The following CAMKMT variants were observed in gnomAD, a reference collection of about 807,000 sequenced individuals.
CAMKMT encodes calmodulin-lysine N-methyltransferase.
A neutral mutation model predicts 48.0 loss-of-function variants in CAMKMT; 53 were observed. The ratio of observed to expected loss-of-function variants is 1.10; its 90% CI spans 0.89 to 1.39. CAMKMT has a LOEUF of 1.39. CAMKMT is among the 40% of genes most tolerant of loss of function. The pLI, the probability that CAMKMT is intolerant of heterozygous loss-of-function variation, is 0.00. For synonymous variants in CAMKMT, 165 were observed against 152.3 expected (o/e 1.08, Z -0.61); for missense variants, 428 against 402.7 (o/e 1.06, Z -0.54).
chr2:44,748,463 C>T (rs1317668039), intron 8 of CAMKMT, among the ~76,000 whole-genome samples: 3 of 152,076 alleles, frequency 2.0e-5, no homozygotes, highest in South Asian at 2.1e-4. Context: ...TGGTCCTTTG[C>T]TTAAATGCCG....
At position 44,709,903 on chromosome 2, in the gene CAMKMT, G is replaced by A. The variant is rs1677782998; in HGVS notation, c.556+2441G>A. ...TAATTATTCTTAATGGGCAAGATGA[G>A]CACATTAAGAAACAAATGAATACAT... On this transcript the variant is annotated intron_variant, in intron 6 of 10. Transcript: ENST00000378494. Among the ~76,000 whole-genome samples, 3 of 152,068 alleles carry A rather than the reference G, an allele frequency of 2.0e-5. No individual in the cohort carries two copies. The South Asian group carries it at 6.2e-4, about 32-fold the overall frequency.
chr2:44,548,246 G>T (rs2103639332), intron 3 of CAMKMT, among the ~76,000 whole-genome samples: 1 of 152,242 alleles, frequency 6.6e-6, no homozygotes, highest in East Asian at 1.9e-4. Context: ...ACTCTGTTGG[G>T]TATCATAGGA....
chr2:44,543,705 T>C (rs1487391780), intron 3 of CAMKMT, among the ~76,000 whole-genome samples: 1 of 152,158 alleles, frequency 6.6e-6, no homozygotes, highest in Non-Finnish European at 1.5e-5. Flanking sequence ...AGCTAGGTGG[T>C]TGGTTTTACA....
At chr2:44,449,627 CA>C (rs1412443249) in intron 3 of CAMKMT, among the ~76,000 whole-genome samples, 1 of 151,982 alleles carries the variant, frequency 6.6e-6, no homozygotes, top group African/African-American at 2.4e-5. Flanking sequence ...TTACTCTGCC[CA>C]AAAGGAGAAA....
At chr2:44,490,338 C>T (rs563850660) in intron 3 of CAMKMT, among the ~76,000 whole-genome samples, 58 of 152,136 alleles carry the variant, frequency 3.8e-4, no homozygotes, top group African/African-American at 7.7e-4. Context: ...TGCAATGGCG[C>T]GATCTTGGCT....
intron 3 of CAMKMT, among the ~76,000 whole-genome samples, chr2:44,593,474 T>C (rs1670442490): frequency 6.6e-6 from 1 of 152,144 alleles, no homozygotes; most frequent in South Asian, 2.1e-4. Flanking sequence ...TTTCCAGACT[T>C]TCAACTCTGG....
At chr2:44,495,407 G>A (rs1204842024) in intron 3 of CAMKMT, among the ~76,000 whole-genome samples, 1 of 152,176 alleles carries the variant, frequency 6.6e-6, no homozygotes, top group Non-Finnish European at 1.5e-5. Context: ...GTCTACCAAA[G>A]TGCTGGAATT....
chr2:44,591,569 G>T, intron 3 of CAMKMT, among the ~76,000 whole-genome samples: 1 of 152,164 alleles, frequency 6.6e-6, no homozygotes, highest in East Asian at 1.9e-4. Flanking sequence ...TGTTATTGGT[G>T]CTGGAGAGGA....
At position 44,618,361 on chromosome 2, in the gene CAMKMT, G is replaced by A. The variant is rs939009616; in HGVS notation, c.377-85922G>A. Among the ~76,000 whole-genome samples the A allele has an allele frequency of 2.6e-5, 4 of 152,194 alleles. No homozygotes were observed. The highest frequency in any genetic ancestry group is 9.7e-5 in the African/African-American group (4 of 41,440). The stretch of plus-strand genomic sequence containing the variant: ...GAGATGGATACTGAGCTTTTTGCTG[G>A]CCCTTGGAGATTAACTGAACAGCCT... On this transcript the variant is annotated intron_variant, in intron 3 of 10. Coordinates refer to ENST00000378494, the MANE Select transcript of CAMKMT (RefSeq NM_024766.5). This position sits in a 1 kb window ranked among gnomAD's most constrained non-coding sequence, Gnocchi z 4.0.
chr2:44,368,057 A>G (rs966586772), intron 1 of CAMKMT, among the ~76,000 whole-genome samples: 1 of 152,218 alleles, frequency 6.6e-6, no homozygotes, highest in African/African-American at 2.4e-5. Flanking sequence ...TAATGGGTTT[A>G]GGGACCTTAG....
intron 3 of CAMKMT, among the ~76,000 whole-genome samples, chr2:44,569,252 T>G (rs1232221065): frequency 6.6e-6 from 1 of 152,160 alleles, no homozygotes; most frequent in Non-Finnish European, 1.5e-5. Context: ...AAGTTCTAAG[T>G]TCAGTTACTT....
chr2:44,719,556 C>T (rs1454030925), intron 7 of CAMKMT, among the ~76,000 whole-genome samples: 1 of 152,038 alleles, frequency 6.6e-6, no homozygotes. Flanking sequence ...TTTTGTACTC[C>T]CTGAAGCAAT....
chr2:44,699,152 C>T (rs184482496), intron 3 of CAMKMT, among the ~76,000 whole-genome samples: 2 of 152,338 alleles, frequency 1.3e-5, no homozygotes, highest in South Asian at 2.1e-4. Flanking sequence ...ATTTTGACCT[C>T]CTCCCATGAC....
At chr2:44,728,839 CTTT>C (rs70937931) in intron 7 of CAMKMT, among the ~76,000 whole-genome samples, 4 of 58,310 alleles carry the variant, frequency 6.9e-5, no homozygotes, top group Admixed American at 1.7e-4. Context: ...GGGGTCTATC[CTTT>C]TTTTTTTTTT....
rs1679936147 is a variant in CAMKMT, at chr2:44,746,792, C to T, written c.698+3096C>T. ...TAATGTTGAGTTTAATATAAGGATTCCTTTCTGCTGGAATGCAGTCCAGCC... is the reference window on the plus strand; with the variant it reads ...TAATGTTGAGTTTAATATAAGGATTTCTTTCTGCTGGAATGCAGTCCAGCC... On this transcript the variant is annotated intron_variant, in intron 8 of 10. Transcript: ENST00000378494. Among the ~76,000 whole-genome samples, 3 of 152,148 alleles carry T rather than the reference C, an allele frequency of 2.0e-5. No individual in the cohort carries two copies. The South Asian group carries it at 6.2e-4, about 32-fold the overall frequency.
rs142960953 is a variant in CAMKMT, at chr2:44,599,000, G to A, written c.377-105283G>A. ...TGTCTGTGCAGGGCTCACCTATTTCGTATGTCTTTAAAACTTTGACCAATT... is the reference window on the plus strand; with the variant it reads ...TGTCTGTGCAGGGCTCACCTATTTCATATGTCTTTAAAACTTTGACCAATT... On this transcript the variant is annotated intron_variant, in intron 3 of 10. Transcript: ENST00000378494. Among the ~76,000 whole-genome samples the A allele has an allele frequency of 2.6e-4, 40 of 152,000 alleles. No homozygotes were observed. The East Asian group carries it at 7.2e-3, about 27-fold the overall frequency.
chr2:44,622,052 C>T (rs1672227677), intron 3 of CAMKMT, among the ~76,000 whole-genome samples: 1 of 152,068 alleles, frequency 6.6e-6, no homozygotes, highest in Admixed American at 6.6e-5. Context: ...TTGGCTTGAA[C>T]AATAAGGCAG....
At chr2:44,673,487 A>AGAGAG (rs1253559572) in intron 3 of CAMKMT, among the ~76,000 whole-genome samples, 10 of 123,226 alleles carry the variant, frequency 8.1e-5, no homozygotes, top group African/African-American at 3.3e-4. Flanking sequence ...GGAAGGAAGG[A>AGAGAG]AGGAAGGAAG....
At chr2:44,753,480 A>G (rs1338239727) in intron 8 of CAMKMT, among the ~76,000 whole-genome samples, 1 of 152,072 alleles carries the variant, frequency 6.6e-6, no homozygotes, top group Non-Finnish European at 1.5e-5. Flanking sequence ...CCAGAGAGGA[A>G]AATCCAAAGT....
Sources: allele counts gnomAD v4.1 joint callset (sites outside exome capture counted in the v4.1 genomes callset), GRCh38; gene constraint gnomAD v4.1.1; non-coding constraint Gnocchi (gnomAD v3.1); transcripts MANE v1.5; gene names NCBI Gene and HGNC (gene_info 2026-07-23, HGNC 2026-07-21).